Variants in ADD2 observed in about 807,000 individuals in gnomAD.
The protein encoded by ADD2 is beta-adducin.
ADD2 carries 23 observed loss-of-function variants against 83.0 expected under a neutral mutation model. The observed-to-expected ratio is 0.28, with a 90% CI of 0.20 to 0.39. ADD2 has a LOEUF of 0.39. Ranked by LOEUF, ADD2 falls within the 10% of genes least tolerant of loss-of-function variation. The pLI is 1.00. For synonymous variants in ADD2, 375 were observed against 375.4 expected, an observed-to-expected ratio of 1.00 and a Z score of 0.01; for missense variants, 758 against 944.9, an observed-to-expected ratio of 0.80 and a Z score of 2.59.
chr2:70,719,365 C>T (rs527986536), intron 1 of ADD2, among the ~76,000 whole-genome samples: 11 of 152,304 alleles, frequency 7.2e-5, no homozygotes, highest in Admixed American at 4.6e-4. Flanking sequence ...GCATGGGAGG[C>T]GGCTCTAGAG....
chr2:70,713,348 C>T (rs1424917181), intron 1 of ADD2, among the ~76,000 whole-genome samples, 164 bp from the exon 2 acceptor site: 1 of 152,246 alleles, frequency 6.6e-6, no homozygotes, highest in African/African-American at 2.4e-5. Flanking sequence ...CACAGTGGCT[C>T]ATGTCTGTAA....
At chr2:70,696,515 G>A (rs782481326) in intron 4 of ADD2, 119 bp from the exon 5 acceptor site, 7 of 1,349,290 alleles carry the variant, frequency 5.2e-6, no homozygotes, top group Non-Finnish European at 7.2e-6. Context: ...CCCAGGCAGG[G>A]AATTAAACAT....
At position 70,763,100 on chromosome 2, in the gene ADD2, T is replaced by C. The variant is rs1675202605; in HGVS notation, c.-154+4786A>G. On this transcript the variant is annotated intron_variant, in intron 1 of 15. Coordinates refer to ENST00000264436, the MANE Select transcript of ADD2 (RefSeq NM_001617.4). ...AAATAAATTTGAATAACATAATCAA[T>C]AAACTCATTTAAATCTATACAACTG... 3.3e-5 allele frequency among the ~76,000 whole-genome samples: 5 copies of C among 152,020 alleles called. 1 individual carries two copies. The highest frequency in any genetic ancestry group is 1.2e-4 in the African/African-American group (5 of 41,268).
intron 2 of ADD2, 42 bp downstream of exon 2, chr2:70,713,024 G>T: frequency 2.2e-6 from 2 of 906,144 alleles, no homozygotes; most frequent in Non-Finnish European, 1.3e-6. Context: ...GCCAAAAAGT[G>T]TGCATCACCC....
intron 1 of ADD2, chr2:70,741,541 A>C (rs1246949279): frequency 1.3e-5 from 2 of 152,258 alleles, no homozygotes; most frequent in African/African-American, 4.8e-5. Flanking sequence ...TTTGGCGTAC[A>C]GGAGAAGATG....
chr2:70,767,864 G>C (rs1474160851), intron 1 of ADD2, 22 bp downstream of exon 1: 1 of 1,535,702 alleles, frequency 6.5e-7, no homozygotes, highest in East Asian at 2.4e-5. Flanking sequence ...CAGCCCACCA[G>C]GCCCGCTCCC....
chr2:70,711,449 C>T (rs1672173574), intron 2 of ADD2, among the ~76,000 whole-genome samples: 1 of 152,088 alleles, frequency 6.6e-6, no homozygotes, highest in South Asian at 2.1e-4. Flanking sequence ...CCGCCACTTC[C>T]AAAGTGGGGA....
chr2:70,712,011 T>C (rs1228652327), intron 2 of ADD2, among the ~76,000 whole-genome samples: 1 of 152,150 alleles, frequency 6.6e-6, no homozygotes, highest in Non-Finnish European at 1.5e-5. Flanking sequence ...CATGTCAGAA[T>C]TGAATTGAAT....
At chr2:70,727,762 G>A (rs934079916) in intron 1 of ADD2, among the ~76,000 whole-genome samples, 1 of 152,122 alleles carries the variant, frequency 6.6e-6, no homozygotes, top group African/African-American at 2.4e-5. Context: ...TGGGCGTGGT[G>A]ATGCATGCCT....
In ADD2 at chr2:70,712,456, T is replaced by TA. The variant is rs1405459368; in HGVS notation, c.-35+609dup. Among the ~76,000 whole-genome samples, 149 of 65,242 alleles carry TA rather than the reference T, an allele frequency of 2.3e-3. 1 individual carries two copies. Among genetic ancestry groups the TA allele is most frequent in the African/African-American group, 0.012 (133 of 11,524 alleles). 42.8% of individuals were successfully genotyped at this position (65,242 alleles called of 152,430 possible). On this transcript the variant is annotated intron_variant, in intron 2 of 15. Transcript: ENST00000264436. ...GAGACCCTGTCTCAAAAAAAATAAA[T>TA]AAATAAAAAAAAAAAAAAAGAAACT... is the stretch of plus-strand genomic sequence containing the variant.
chr2:70,678,408 G>A (rs1361122127), intron 11 of ADD2, among the ~76,000 whole-genome samples: 1 of 152,170 alleles, frequency 6.6e-6, no homozygotes, highest in Non-Finnish European at 1.5e-5. Context: ...AGAGCCCCCT[G>A]TGGATGTGGG....
At chr2:70,666,981 G>C (rs1553366241) in intron 15 of ADD2, among the ~76,000 whole-genome samples, 1 of 152,174 alleles carries the variant, frequency 6.6e-6, no homozygotes, top group East Asian at 1.9e-4. Flanking sequence ...GCCAAGAGAA[G>C]GGACAGGGCT....
At chr2:70,767,737 C>G (rs949448044) in intron 1 of ADD2, 149 bp downstream of exon 1, 26 of 1,429,958 alleles carry the variant, frequency 1.8e-5, no homozygotes, top group Middle Eastern at 5.0e-4. Context: ...ACACCGCTGC[C>G]GGCCAGGGCT....
intron 14 of ADD2, chr2:70,673,223 T>G: frequency 6.2e-7 from 1 of 1,613,552 alleles, no homozygotes; most frequent in Non-Finnish European, 8.5e-7. Flanking sequence ...CATGTTTCCT[T>G]CATCAAAACA....
At chr2:70,737,275 A>G (rs1309181222) in intron 1 of ADD2, among the ~76,000 whole-genome samples, 3 of 152,296 alleles carry the variant, frequency 2.0e-5, no homozygotes, top group Non-Finnish European at 4.4e-5. Context: ...CACATGCACA[A>G]GTATGTTTAT....
At chr2:70,753,065 G>T (rs567628954) in intron 1 of ADD2, among the ~76,000 whole-genome samples, 3 of 152,178 alleles carry the variant, frequency 2.0e-5, no homozygotes, top group Non-Finnish European at 4.4e-5. Context: ...AGACAAAGTG[G>T]TGCAGGGCAA....
At chr2:70,748,637 A>G (rs1674354006) in intron 1 of ADD2, among the ~76,000 whole-genome samples, 1 of 152,174 alleles carries the variant, frequency 6.6e-6, no homozygotes, top group Admixed American at 6.5e-5. Context: ...TGCCACTGAC[A>G]AGGTCCTCTG....
At chr2:70,675,784 C>G (rs1303711812) in intron 13 of ADD2, 1 of 985,208 alleles carries the variant, frequency 1.0e-6, no homozygotes, top group Non-Finnish European at 1.2e-6. Flanking sequence ...ACCGAGAATC[C>G]AAGACCAAAA....
rs1675375014 is a variant in ADD2 at position 70,656,811 on chromosome 2, A to G, written c.*6614T>C. 6.6e-6 allele frequency: 1 copy of G among 152,120 alleles called. No homozygotes were observed. The highest frequency in any genetic ancestry group is 6.5e-5 in the Admixed American group (1 of 15,268). 9.4% of individuals were successfully genotyped at this position (152,120 alleles called of 1,614,324 possible). ...GGAAGCCAAGCACGTTAGATTTACTAGGGTCATGTCTGCAGGTGAGGTAAC... is the reference window on the plus strand; with the variant it reads ...GGAAGCCAAGCACGTTAGATTTACTGGGGTCATGTCTGCAGGTGAGGTAAC... On this transcript the variant is annotated 3_prime_UTR_variant, in exon 16 of 16. Coordinates refer to ENST00000264436, the MANE Select transcript of ADD2 (RefSeq NM_001617.4).
Sources: gnomAD v4.1 joint callset for allele counts (sites outside exome capture counted in the v4.1 genomes callset) on GRCh38, gnomAD v4.1.1 for gene constraint, MANE v1.5 for transcripts, NCBI Gene and HGNC (gene_info 2026-07-23, HGNC 2026-07-21) for gene names.